Variants in SGK1 observed in about 807,000 individuals in gnomAD.
SGK1 encodes serum/glucocorticoid regulated kinase 1.
SGK1 carries 26 observed loss-of-function variants against 64.2 expected under a neutral mutation model. The ratio of observed to expected loss-of-function variants is 0.40; its 90% CI spans 0.30 to 0.56. SGK1 has a LOEUF of 0.56. SGK1 is among the 20% of genes least tolerant of loss of function. SGK1 has a pLI of 0.38. For synonymous variants in SGK1, 265 were observed against 239.7 expected (o/e 1.11, Z -0.98); for missense variants, 519 against 645.6 (o/e 0.80, Z 2.12).
intron 2 of SGK1, among the ~76,000 whole-genome samples, chr6:134,228,263 T>C (rs909769784): frequency 1.3e-5 from 2 of 152,196 alleles, no homozygotes; most frequent in Non-Finnish European, 2.9e-5. Flanking sequence ...CCGGAATTCA[T>C]TCTTGATAGC....
At chr6:134,202,304 T>A (rs150756053) in intron 3 of SGK1, among the ~76,000 whole-genome samples, 1 of 152,206 alleles carries the variant, frequency 6.6e-6, no homozygotes, top group African/African-American at 2.4e-5. Flanking sequence ...TAAAGACATA[T>A]CATGTAGATA....
In SGK1 at chr6:134,174,155, T is replaced by C; in HGVS notation, c.438-75A>G. 7 of 893,492 alleles carry C rather than the reference T, an allele frequency of 7.8e-6. 1 individual carries two copies. In the East Asian group the frequency reaches 1.2e-4, roughly 16 times the overall value. The allele number at this position is 893,492 out of a possible 1,614,324, so 55.3% of individuals were successfully genotyped here. On this transcript the variant is annotated intron_variant, in intron 4 of 13. Transcript: ENST00000367858. ...CACACCAACATCAAAAGTGAGTTTC[T>C]GGCTCTACCGACTTCTACCCGGATA...
At position 134,283,991 on chromosome 6, in the gene SGK1, T is replaced by C. The variant is rs180724095; in HGVS notation, c.70-21843A>G. ...TAAATGAGTCCCTTCCTTATAGCTC[T>C]TTATCTCTTTACAATTTTATTTCCA... On this transcript the variant is annotated intron_variant, in intron 1 of 13. Coordinates refer to ENST00000367858, the MANE Select transcript of SGK1 (RefSeq NM_001143676.3). Among the ~76,000 whole-genome samples, 632 of 152,002 alleles carry C rather than the reference T, an allele frequency of 4.2e-3. 5 individuals carry two copies. The highest frequency in any genetic ancestry group is 0.015 in the African/African-American group (603 of 41,470).
At chr6:134,309,456 C>T (rs1256963241) in intron 1 of SGK1, among the ~76,000 whole-genome samples, 1 of 152,122 alleles carries the variant, frequency 6.6e-6, no homozygotes. Context: ...GTGCAGTTTG[C>T]CAGAGAAACC....
At chr6:134,209,615 T>C (rs1397476588) in intron 2 of SGK1, among the ~76,000 whole-genome samples, 1 of 152,206 alleles carries the variant, frequency 6.6e-6, no homozygotes, top group East Asian at 1.9e-4. Context: ...ATAATCAAAA[T>C]ACTCAAGAAT....
intron 3 of SGK1, among the ~76,000 whole-genome samples, chr6:134,204,123 A>G (rs543425433): frequency 5.3e-5 from 8 of 151,946 alleles, no homozygotes; most frequent in Non-Finnish European, 1.0e-4. Context: ...AAATACATAA[A>G]GCAAAAATTG....
intron 1 of SGK1, among the ~76,000 whole-genome samples, chr6:134,275,751 C>T (rs1395666391): frequency 2.0e-5 from 3 of 152,140 alleles, no homozygotes; most frequent in Non-Finnish European, 4.4e-5. Context: ...CGGAATGCAT[C>T]CAGACCTCCA....
At position 134,206,361 on chromosome 6, in the gene SGK1, A is replaced by T. The variant is rs866363230; in HGVS notation, c.361+995T>A. Among the ~76,000 whole-genome samples, 19 of 80,586 alleles carry T rather than the reference A, an allele frequency of 2.4e-4. 2 individuals carry two copies. Among genetic ancestry groups the T allele is most frequent in the Admixed American group, 8.6e-4 (6 of 6,988 alleles). 52.9% of individuals were successfully genotyped at this position (80,586 alleles called of 152,430 possible). On this transcript the variant is annotated intron_variant, in intron 3 of 13. Coordinates refer to ENST00000367858, the MANE Select transcript of SGK1 (RefSeq NM_001143676.3). ...ATGATATATATATATATATATATATATATATATATATATATATATATATTT... is the reference window on the plus strand; with the variant it reads ...ATGATATATATATATATATATATATTTATATATATATATATATATATATTT...
intron 1 of SGK1, among the ~76,000 whole-genome samples, chr6:134,288,091 G>C (rs761850479): frequency 6.6e-6 from 1 of 152,140 alleles, no homozygotes; most frequent in African/African-American, 2.4e-5. Flanking sequence ...GACTCAGACC[G>C]GAAGGTTAGT....
intron 1 of SGK1, among the ~76,000 whole-genome samples, chr6:134,269,494 A>T (rs542033958): frequency 6.8e-6 from 1 of 147,140 alleles, no homozygotes; most frequent in East Asian, 2.5e-4. Context: ...CCCCGTTTCT[A>T]CTGAAAACAC....
rs377644080 is a variant in SGK1 at position 134,174,774 on chromosome 6, G to C, written c.362-188C>G. The C allele has an allele frequency of 4.3e-6, 7 of 1,614,084 alleles. No individual in the cohort carries two copies. The African/African-American group carries it at 9.3e-5, about 22-fold the overall frequency. On this transcript the variant is annotated intron_variant, in intron 3 of 13. Transcript: ENST00000367858. ...ATGCCCCTCATCCTGGAGTAAGTGA[G>C]GGTGCCCTTAGCAGCCTCAGTTTTC...
intron 1 of SGK1, among the ~76,000 whole-genome samples, chr6:134,288,183 A>G (rs1562275321): frequency 2.0e-5 from 3 of 152,242 alleles, no homozygotes; most frequent in Admixed American, 1.3e-4. Flanking sequence ...CAACTTGGTT[A>G]TGGTAAAAAG....
chr6:134,303,697 T>C (rs558968861), intron 1 of SGK1, among the ~76,000 whole-genome samples: 79 of 151,492 alleles, frequency 5.2e-4, no homozygotes, highest in Non-Finnish European at 8.4e-4. Flanking sequence ...GGTGGGACCA[T>C]GACTTGAGCC....
chr6:134,303,264 C>T (rs1009716010), intron 1 of SGK1, among the ~76,000 whole-genome samples: 2 of 151,780 alleles, frequency 1.3e-5, no homozygotes, highest in Admixed American at 1.3e-4. Flanking sequence ...TGGTGGCAGG[C>T]GCCTGTAATC....
chr6:134,265,582 TACATATATAC>T (rs1313377573), intron 1 of SGK1, among the ~76,000 whole-genome samples: 6 of 145,548 alleles, frequency 4.1e-5, no homozygotes, highest in African/African-American at 1.5e-4. Flanking sequence ...TTTATACATA[TACATATATAC>T]ATATACATAT....
intron 2 of SGK1, among the ~76,000 whole-genome samples, chr6:134,219,255 A>T (rs9389150): frequency 6.6e-6 from 1 of 151,822 alleles, no homozygotes; most frequent in African/African-American, 2.4e-5. Context: ...CAAGTGATCC[A>T]CCCGCCTTGG....
intron 3 of SGK1, among the ~76,000 whole-genome samples, chr6:134,183,494 T>C (rs1024109866): frequency 6.6e-6 from 1 of 152,250 alleles, no homozygotes; most frequent in African/African-American, 2.4e-5. Context: ...GATGTCATGA[T>C]GGGCAGCGTT....
At chr6:134,174,611 A>C in intron 3 of SGK1, 25 bp from the exon 4 acceptor site, 1 of 1,610,532 alleles carries the variant, frequency 6.2e-7, no homozygotes, top group Non-Finnish European at 8.5e-7. Context: ...GGAGAAATAA[A>C]GAAACGTTTA....
At chr6:134,212,296 A>G (rs562586123) in intron 2 of SGK1, among the ~76,000 whole-genome samples, 1 of 151,974 alleles carries the variant, frequency 6.6e-6, no homozygotes, top group South Asian at 2.1e-4. Context: ...CTCGTGATCC[A>G]CCCGCTTCAG....
Sources: allele counts gnomAD v4.1 joint callset (sites outside exome capture counted in the v4.1 genomes callset), GRCh38; gene constraint gnomAD v4.1.1; transcripts MANE v1.5; gene names NCBI Gene and HGNC (gene_info 2026-07-23, HGNC 2026-07-21).